The following USP7 variants were observed in gnomAD, a reference collection of about 807,000 sequenced individuals.
USP7 encodes the protein ubiquitin C-terminal hydrolase 7.
In USP7, 9 loss-of-function variants were observed where a neutral mutation model predicts 162.9. The observed-to-expected ratio is 0.06, with a 90% CI of 0.03 to 0.10. The LOEUF (loss-of-function observed/expected upper bound fraction) is 0.10, where lower values mean the gene tolerates loss of function less well. USP7 is among the 10% of genes least tolerant of loss of function. USP7 has a pLI of 1.00. For missense variants in USP7, 715 were observed against 1,373.7 expected (o/e 0.52, Z 7.58); for synonymous variants, 562 against 475.9 (o/e 1.18, Z -2.35).
intron 25 of USP7, among the ~76,000 whole-genome samples, chr16:8,897,443 A>G (rs2141163954): frequency 6.6e-6 from 1 of 152,238 alleles, no homozygotes; most frequent in South Asian, 2.1e-4. Context: ...TGGTCCAGAT[A>G]CAAGACCAGA....
rs190924186 is a variant in USP7, at chr16:8,916,559, T to A, written c.852-3A>T. 6.3e-7 allele frequency: 1 copy of A among 1,593,198 alleles called. No individual in the cohort carries two copies. Among genetic ancestry groups the A allele is most frequent in the Admixed American group, 1.8e-5 (1 of 55,796 alleles). Reference sequence around the variant, plus strand: ...TGAAGCTATCTAAAGTTTCCCACCTTTCAAAGATAAAACAAACAACTCCAT... The same window carrying A: ...TGAAGCTATCTAAAGTTTCCCACCTATCAAAGATAAAACAAACAACTCCAT... On this transcript the variant is annotated splice_region_variant and splice_polypyrimidine_tract_variant and intron_variant, in intron 7 of 30. Transcript: ENST00000344836.
chr16:8,905,805 T>C (rs1405902098), intron 13 of USP7, among the ~76,000 whole-genome samples: 1 of 152,270 alleles, frequency 6.6e-6, no homozygotes, highest in Non-Finnish European at 1.5e-5. Context: ...CAACGTAGCA[T>C]GTTCCTAACA....
chr16:8,923,086 G>T, intron 3 of USP7, 129 bp downstream of exon 3: 1 of 629,422 alleles, frequency 1.6e-6, no homozygotes, highest in Non-Finnish European at 2.7e-6. Context: ...TATACCAGTG[G>T]GTTTTAAAGA....
chr16:8,932,127 T>A (rs1596394048), intron 1 of USP7, among the ~76,000 whole-genome samples: 1 of 152,104 alleles, frequency 6.6e-6, no homozygotes, highest in Admixed American at 6.5e-5. Flanking sequence ...CAATAATTCC[T>A]GAATAAAATG....
In USP7 at chr16:8,963,748, G is replaced by A. The variant is rs1279817913; in HGVS notation, c.-463C>T. ...GCCGCGGCGGGCCTGCGGGCCCTGGGGCCGGCGGGAGCGGCGGAGCGGGCG... is the reference window on the plus strand; with the variant it reads ...GCCGCGGCGGGCCTGCGGGCCCTGGAGCCGGCGGGAGCGGCGGAGCGGGCG... On this transcript the variant is annotated 5_prime_UTR_variant, in exon 1 of 31. Coordinates refer to ENST00000344836, the MANE Select transcript of USP7 (RefSeq NM_003470.3). Among the ~76,000 whole-genome samples, 1 of 144,272 alleles carries A rather than the reference G, an allele frequency of 6.9e-6. No individual in the cohort carries two copies. The allele number at this position is 144,272 out of a possible 152,430, so 94.6% of individuals were successfully genotyped here. A position where few individuals can be genotyped will look rare whatever the true frequency, so the allele number is the denominator to read the frequency against.
At chr16:8,934,721 T>C (rs924451236) in intron 1 of USP7, among the ~76,000 whole-genome samples, 13 of 152,130 alleles carry the variant, frequency 8.5e-5, no homozygotes, top group Admixed American at 7.9e-4. Context: ...ACCTGACAGG[T>C]GCAGAGAAAG....
chr16:8,924,663 C>T (rs1289529120), intron 2 of USP7, among the ~76,000 whole-genome samples: 1 of 152,256 alleles, frequency 6.6e-6, no homozygotes, highest in African/African-American at 2.4e-5. Context: ...AGTTCACTAA[C>T]AACTGAGTTC....
chr16:8,946,160 G>A (rs79341389), intron 1 of USP7, among the ~76,000 whole-genome samples: 7,120 of 152,214 alleles, frequency 0.047, 229 homozygotes, highest in Middle Eastern at 0.14. Context: ...TATACAAAAG[G>A]TAGCTCACAA....
intron 1 of USP7, 34 bp downstream of exon 1, chr16:8,963,173 C>T (rs1289444700): frequency 7.2e-7 from 1 of 1,393,604 alleles, no homozygotes; most frequent in Admixed American, 2.6e-5. Flanking sequence ...AAAGGCGCCC[C>T]CCGGCCCCGC....
chr16:8,951,518 G>A (rs1899548474), intron 1 of USP7, among the ~76,000 whole-genome samples: 1 of 152,158 alleles, frequency 6.6e-6, no homozygotes, highest in South Asian at 2.1e-4. Context: ...CTGCAGGCTT[G>A]GAGAGAGCCC....
intron 2 of USP7, among the ~76,000 whole-genome samples, chr16:8,925,842 A>G (rs1400937190): frequency 6.6e-6 from 1 of 152,238 alleles, no homozygotes; most frequent in Non-Finnish European, 1.5e-5. Context: ...AAAACTCTTC[A>G]TACTAGCAGA....
At chr16:8,896,884 T>C in intron 26 of USP7, 115 bp downstream of exon 26, 2 of 802,798 alleles carry the variant, frequency 2.5e-6, no homozygotes, top group Non-Finnish European at 4.4e-6. Context: ...CCACTGAGTC[T>C]GGGAATGACG....
intron 4 of USP7, among the ~76,000 whole-genome samples, chr16:8,920,947 A>C (rs891670753): frequency 6.6e-6 from 1 of 152,224 alleles, no homozygotes; most frequent in Non-Finnish European, 1.5e-5. Flanking sequence ...CTCCCTTTGA[A>C]TGTCTGACTA....
Position 8,893,385 on chromosome 16 carries a change from C to CA in USP7, c.*612dup, listed in dbSNP as rs902394212. Reference sequence around the variant, plus strand: ...GACTGTATTCAGTGCATCCACTTTGCAAAGGGGCTGCAGACAGTAGTGGCT... The same window carrying CA: ...GACTGTATTCAGTGCATCCACTTTGCAAAAGGGGCTGCAGACAGTAGTGGCT... On this transcript the variant is annotated 3_prime_UTR_variant, in exon 31 of 31. Transcript: ENST00000344836. 2.2e-4 allele frequency: 33 copies of CA among 153,390 alleles called. No homozygotes were observed. Among genetic ancestry groups the CA allele is most frequent in the Non-Finnish European group, 4.4e-4 (30 of 68,852 alleles). The allele number at this position is 153,390 out of a possible 1,614,324, so 9.5% of individuals were successfully genotyped here. A position where few individuals can be genotyped will look rare whatever the true frequency, so the allele number is the denominator to read the frequency against.
intron 21 of USP7, 118 bp downstream of exon 21, chr16:8,900,412 A>C: frequency 1.5e-6 from 1 of 658,650 alleles, no homozygotes; most frequent in Non-Finnish European, 2.4e-6. Flanking sequence ...CAGTTACATT[A>C]AAAAAAACAA....
Position 8,923,396 on chromosome 16 carries a change from C to T in USP7, c.202G>A (p.Glu68Lys). The change falls in exon 3 of 31, where the codon GAG (glutamate) becomes AAG (lysine). Residue 68 changes from glutamate (E) to lysine (K), a missense_variant. This residue lies in a region of USP7 where 137 missense variants were observed against 123.5 expected (regional missense o/e 1.11). Transcript: ENST00000344836. Reference protein sequence around the residue: ...DMEDDTSWRSEATFQFTVERF... With the variant: ...DMEDDTSWRSKATFQFTVERF... The stretch of plus-strand genomic sequence containing the variant: ...TCCACAGTGAACTGAAAGGTTGCCT[C>T]GGAGCGCCAACTGGTGTCTGCAAAA... 6.2e-7 allele frequency: 1 copy of T among 1,614,150 alleles called. No homozygotes were observed. Among genetic ancestry groups the T allele is most frequent in the Non-Finnish European group, 8.5e-7 (1 of 1,180,026 alleles).
chr16:8,951,076 C>A (rs1209609012), intron 1 of USP7, among the ~76,000 whole-genome samples: 1 of 152,122 alleles, frequency 6.6e-6, no homozygotes, highest in African/African-American at 2.4e-5. Context: ...GATAAAAAAG[C>A]CATGTTTATT....
chr16:8,938,339 C>CAA (rs55790221), intron 1 of USP7, among the ~76,000 whole-genome samples: 109 of 141,580 alleles, frequency 7.7e-4, no homozygotes, highest in East Asian at 4.0e-3. Flanking sequence ...ATAACACAGT[C>CAA]AAAAAAAAAA....
At chr16:8,906,644 CAGTA>C (rs2061864612) in intron 12 of USP7, 62 bp from the exon 13 acceptor site, 3 of 1,522,028 alleles carry the variant, frequency 2.0e-6, no homozygotes, top group Admixed American at 1.9e-5. Context: ...TCACACTTTA[CAGTA>C]AGTAAGGCCA....
Sources: allele counts gnomAD v4.1 joint callset (sites outside exome capture counted in the v4.1 genomes callset), GRCh38; gene constraint gnomAD v4.1.1; regional missense constraint gnomAD v4.1.1; transcripts MANE v1.5; gene names NCBI Gene and HGNC (gene_info 2026-07-23, HGNC 2026-07-21).